Variants in DRC8 observed in about 807,000 individuals in gnomAD.
DRC8 encodes dynein regulatory complex protein 8.
At chr1:245,034,499 G>A in the DRC8 span, among the ~76,000 whole-genome samples, 1 of 150,562 alleles carries the variant, frequency 6.6e-6, no homozygotes, top group African/African-American at 2.4e-5. Context: ...TACTTGGGAG[G>A]CTGAGGCAGG....
At chr1:245,125,095 T>C in the DRC8 span, 1 of 152,296 alleles carries the variant, frequency 6.6e-6, no homozygotes, top group Non-Finnish European at 1.5e-5. Flanking sequence ...GTTCCACTGT[T>C]TGGAGATGCC....
chr1:245,059,772 T>A, the DRC8 span, among the ~76,000 whole-genome samples: 1 of 152,232 alleles, frequency 6.6e-6, no homozygotes, highest in South Asian at 2.1e-4. Flanking sequence ...GCAGAAAGGC[T>A]ATTGACAGAG....
the DRC8 span, chr1:244,970,432 A>G: frequency 6.5e-7 from 1 of 1,535,144 alleles, no homozygotes; most frequent in Non-Finnish European, 8.7e-7. Context: ...GCGGACGAGA[A>G]GGACAGGGAA....
the DRC8 span, among the ~76,000 whole-genome samples, chr1:245,109,579 G>A: frequency 1.3e-3 from 198 of 152,296 alleles, 6 homozygotes; most frequent in Admixed American, 2.5e-3. Flanking sequence ...AATACTGGCC[G>A]CACGTACTGG....
chr1:244,974,735 C>T, the DRC8 span, among the ~76,000 whole-genome samples: 1 of 151,654 alleles, frequency 6.6e-6, no homozygotes, highest in Non-Finnish European at 1.5e-5. Flanking sequence ...ACCTCTGTTG[C>T]CTAAGCTGGA....
At chr1:244,986,568 T>A in the DRC8 span, among the ~76,000 whole-genome samples, 1 of 152,090 alleles carries the variant, frequency 6.6e-6, no homozygotes, top group Non-Finnish European at 1.5e-5. Context: ...CAATTCATTA[T>A]GTTTTTAAGA....
chr1:245,001,602 CTGTGT>C, the DRC8 span, among the ~76,000 whole-genome samples: 1 of 152,186 alleles, frequency 6.6e-6, no homozygotes, highest in Non-Finnish European at 1.5e-5. Flanking sequence ...GGAGGTTTTC[CTGTGT>C]CTTGCTCCTG....
At chr1:244,979,346 C>T in the DRC8 span, among the ~76,000 whole-genome samples, 1 of 129,512 alleles carries the variant, frequency 7.7e-6, no homozygotes, top group African/African-American at 2.9e-5. Flanking sequence ...GCTCTTGTCG[C>T]CCAGGTTGGA....
chr1:245,117,606 A>G, the DRC8 span, among the ~76,000 whole-genome samples: 1 of 151,576 alleles, frequency 6.6e-6, no homozygotes, highest in South Asian at 2.1e-4. Context: ...TATTTTTAGT[A>G]GAGATGAAGT....
the DRC8 span, among the ~76,000 whole-genome samples, chr1:245,061,809 A>G: frequency 7.9e-5 from 12 of 152,350 alleles, no homozygotes; most frequent in Middle Eastern, 3.4e-3. Flanking sequence ...TATATGCTTT[A>G]AAATTGCTCT....
chr1:244,992,825 T>G, the DRC8 span, among the ~76,000 whole-genome samples: 1 of 152,234 alleles, frequency 6.6e-6, no homozygotes, highest in Admixed American at 6.5e-5. Context: ...TGTAACCAAT[T>G]ACTCCCAAAT....
chr1:245,033,022 C>T, the DRC8 span, among the ~76,000 whole-genome samples: 76,379 of 151,720 alleles, frequency 0.5, 21,374 homozygotes, highest in East Asian at 0.72. Flanking sequence ...AAAGCAAACT[C>T]TAGCTTTAGG....
the DRC8 span, chr1:245,001,994 T>C: frequency 1.5e-6 from 1 of 685,158 alleles, no homozygotes; most frequent in South Asian, 1.8e-5. Context: ...TTTGAAAGCA[T>C]GGTCCTTTCT....
the DRC8 span, chr1:245,017,202 G>T: frequency 6.4e-7 from 1 of 1,572,146 alleles, no homozygotes; most frequent in Admixed American, 2.0e-5. Flanking sequence ...TGAATTCAAA[G>T]CTAAAGTAAA....
chr1:245,010,364 T>A, the DRC8 span, among the ~76,000 whole-genome samples: 1 of 152,206 alleles, frequency 6.6e-6, no homozygotes, highest in East Asian at 1.9e-4. Flanking sequence ...CAGAAACTTC[T>A]CCAGGAGCTC....
chr1:244,999,013 A>G, the DRC8 span, among the ~76,000 whole-genome samples: 2 of 149,242 alleles, frequency 1.3e-5, no homozygotes, highest in Non-Finnish European at 3.0e-5. Context: ...AATATTATAC[A>G]TAATAGGATT....
the DRC8 span, among the ~76,000 whole-genome samples, chr1:245,095,204 A>C: frequency 6.6e-6 from 1 of 152,224 alleles, no homozygotes; most frequent in Non-Finnish European, 1.5e-5. Flanking sequence ...TGCAAGACAC[A>C]GCCCACTGAG....
the DRC8 span, among the ~76,000 whole-genome samples, chr1:245,069,771 G>A: frequency 1.3e-5 from 2 of 152,184 alleles, no homozygotes; most frequent in African/African-American, 4.8e-5. Context: ...GCTGGGCATG[G>A]GGGTGCACCC....
At chr1:245,088,038 A>G in the DRC8 span, among the ~76,000 whole-genome samples, 1 of 152,170 alleles carries the variant, frequency 6.6e-6, no homozygotes. The surrounding 1 kb of genome is among the most constrained non-coding windows in gnomAD (Gnocchi z 4.6). Flanking sequence ...TAGAATTCTC[A>G]CCCACTCCGC....
Sources: gnomAD v4.1 joint callset for allele counts (sites outside exome capture counted in the v4.1 genomes callset) on GRCh38, gnomAD v4.1.1 for gene constraint, Gnocchi (gnomAD v3.1) non-coding constraint, MANE v1.5 for transcripts, NCBI Gene and HGNC (gene_info 2026-07-23, HGNC 2026-07-21) for gene names.